Variants in G3BP2 observed in about 807,000 individuals in gnomAD.
G3BP2 encodes G3BP stress granule assembly factor 2, also known as ras GTPase-activating protein-binding protein 2.
A neutral mutation model predicts 56.7 loss-of-function variants in G3BP2; 11 were observed. The ratio of observed to expected loss-of-function variants is 0.19; its 90% CI spans 0.12 to 0.32. G3BP2 has a LOEUF of 0.32. Among genes scored for constraint, G3BP2 ranks in the 10% least tolerant of loss-of-function variants. The pLI, the probability that G3BP2 is intolerant of heterozygous loss-of-function variation, is 1.00. For synonymous variants in G3BP2, 165 were observed against 191.6 expected, an observed-to-expected ratio of 0.86 and a Z score of 1.15; for missense variants, 340 against 610.9, an observed-to-expected ratio of 0.56 and a Z score of 4.67.
At chr4:75,690,471 G>T (rs1333568319) in intron 3 of G3BP2, among the ~76,000 whole-genome samples, 1 of 151,870 alleles carries the variant, frequency 6.6e-6, no homozygotes, top group African/African-American at 2.4e-5. Context: ...CAACATTAGA[G>T]TCCAGAATAG....
intron 5 of G3BP2, 121 bp from the exon 6 acceptor site, chr4:75,655,991 TCC>T: frequency 1.7e-6 from 1 of 597,046 alleles, no homozygotes; most frequent in Non-Finnish European, 3.0e-6. Context: ...CAATTTTCTT[TCC>T]TTTTTTTTTT....
chr4:75,671,233 C>T (rs1316283178), intron 1 of G3BP2, among the ~76,000 whole-genome samples: 1 of 152,116 alleles, frequency 6.6e-6, no homozygotes, highest in Non-Finnish European at 1.5e-5. Context: ...TAGTTTGTGC[C>T]TTTCAAAATC....
Position 75,696,715 on chromosome 4 carries a change from CATT to C in G3BP2, c.-25+24159_-25+24161del, listed in dbSNP as rs148922307. Among the ~76,000 whole-genome samples the C allele has an allele frequency of 8.9e-3, 1,362 of 152,308 alleles. 23 individuals carry two copies. Among genetic ancestry groups the C allele is most frequent in the African/African-American group, 0.032 (1,311 of 41,552 alleles). ...CTTTCTAGCAGTTGTTCCCAATCAT[CATT>C]GTCGTCATGGAAAGAGGACTAAATC... On this transcript the variant is annotated intron_variant, in intron 3 of 3. Transcript: ENST00000499709.
chr4:75,701,845 A>C (rs1218873105), intron 3 of G3BP2, among the ~76,000 whole-genome samples: 1 of 152,218 alleles, frequency 6.6e-6, no homozygotes, highest in Non-Finnish European at 1.5e-5. Flanking sequence ...TCTATAGATG[A>C]GAAAGATAGA....
In G3BP2 at chr4:75,673,374, G is replaced by C. The variant is rs973298947; in HGVS notation, c.-191C>G. On this transcript the variant is annotated 5_prime_UTR_variant, in exon 1 of 12. Coordinates refer to ENST00000359707, the MANE Select transcript of G3BP2 (RefSeq NM_203505.3). The stretch of plus-strand genomic sequence containing the variant: ...CTGCCTCACAACCACCTCTTCCCGG[G>C]CGCCAGGCGCTGCGACGTGCGACAA... 4.5e-5 allele frequency: 55 copies of C among 1,231,086 alleles called. No homozygotes were observed. The highest frequency in any genetic ancestry group is 5.0e-5 in the Non-Finnish European group (49 of 987,938). The allele number at this position is 1,231,086 out of a possible 1,614,324, so 76.3% of individuals were successfully genotyped here. A position where few individuals can be genotyped will look rare whatever the true frequency, so the allele number is the denominator to read the frequency against.
At position 75,656,277 on chromosome 4, in the gene G3BP2, C is replaced by A. The variant is rs577248704; in HGVS notation, c.443-407G>T. On this transcript the variant is annotated intron_variant, in intron 5 of 11. Coordinates refer to ENST00000359707, the MANE Select transcript of G3BP2 (RefSeq NM_203505.3). ...AAAACACTGGGATTCCGGGCATGAG[C>A]CACCGCGCTCGGCTCCAATTTTTTT... is the stretch of plus-strand genomic sequence containing the variant. 2.6e-4 allele frequency among the ~76,000 whole-genome samples: 36 copies of A among 140,300 alleles called. 1 individual carries two copies. In the South Asian group the frequency reaches 5.9e-3, roughly 23 times the overall value. 92.0% of individuals were successfully genotyped at this position (140,300 alleles called of 152,430 possible).
chr4:75,673,605 G>T (rs1355980604), upstream of G3BP2: 9 of 1,231,524 alleles, frequency 7.3e-6, no homozygotes, highest in South Asian at 4.1e-5. Flanking sequence ...CGGGGAACCG[G>T]AACCGGCCTA....
At position 75,657,734 on chromosome 4, in the gene G3BP2, T is replaced by TCCACTAGC; in HGVS notation, c.178-5_178-4insGCTAGTGG. 6.3e-7 allele frequency: 1 copy of TCCACTAGC among 1,592,258 alleles called. No individual in the cohort carries two copies. The highest frequency in any genetic ancestry group is 8.6e-7 in the Non-Finnish European group (1 of 1,162,996). The stretch of plus-strand genomic sequence containing the variant: ...ATAATACTTTGTGGTGTATATCCTT[T>TCCACTAGC]ATTAGGGAGGGAGGGAAAAATATAA... On this transcript the variant is annotated splice_polypyrimidine_tract_variant and splice_region_variant and intron_variant, in intron 3 of 11. Transcript: ENST00000359707.
intron 3 of G3BP2, among the ~76,000 whole-genome samples, chr4:75,696,729 A>G (rs769284727): frequency 4.6e-5 from 7 of 152,202 alleles, no homozygotes; most frequent in Non-Finnish European, 7.3e-5. Flanking sequence ...GTCGTCATGG[A>G]AAGAGGACTA....
At chr4:75,706,463 G>A (rs752150482) in intron 3 of G3BP2, among the ~76,000 whole-genome samples, 5 of 152,038 alleles carry the variant, frequency 3.3e-5, no homozygotes, top group Admixed American at 6.6e-5. Flanking sequence ...GACCTTAGCC[G>A]AATGAGCATA....
intron 3 of G3BP2, among the ~76,000 whole-genome samples, chr4:75,680,466 A>C (rs953262855): frequency 3.3e-5 from 5 of 152,164 alleles, no homozygotes; most frequent in African/African-American, 9.7e-5. Context: ...GATTGTTCTG[A>C]AGATTCTTTA....
intron 3 of G3BP2, among the ~76,000 whole-genome samples, chr4:75,715,427 C>G (rs1456103446): frequency 6.6e-6 from 1 of 152,212 alleles, no homozygotes; most frequent in Non-Finnish European, 1.5e-5. Flanking sequence ...AGAAATCCTT[C>G]TACCCTCTCT....
intron 1 of G3BP2, chr4:75,672,497 G>T (rs774460519): frequency 6.6e-6 from 1 of 152,202 alleles, no homozygotes; most frequent in Non-Finnish European, 1.5e-5. Flanking sequence ...CGAAGAAGGC[G>T]CACGTTACAG....
At chr4:75,703,390 C>A (rs188883298) in intron 3 of G3BP2, among the ~76,000 whole-genome samples, 1 of 152,158 alleles carries the variant, frequency 6.6e-6, no homozygotes, top group Admixed American at 6.5e-5. Flanking sequence ...GTCCCCCAAT[C>A]CACACCACTT....
At chr4:75,661,556 C>G (rs567078462) in intron 2 of G3BP2, 20 of 153,294 alleles carry the variant, frequency 1.3e-4, no homozygotes, top group African/African-American at 4.4e-4. Context: ...GGAATGCAAG[C>G]TGCAAGCTGG....
intron 3 of G3BP2, among the ~76,000 whole-genome samples, chr4:75,701,109 C>T (rs556664614): frequency 2.2e-4 from 33 of 152,140 alleles, no homozygotes; most frequent in Non-Finnish European, 4.0e-4. Flanking sequence ...TCCCAAAGTG[C>T]TGGGATTACA....
chr4:75,683,669 T>C (rs918479326), intron 3 of G3BP2, among the ~76,000 whole-genome samples: 23 of 152,214 alleles, frequency 1.5e-4, no homozygotes, highest in African/African-American at 5.3e-4. Flanking sequence ...CTCTGACCTA[T>C]ATGCCTCTGT....
intron 11 of G3BP2, among the ~76,000 whole-genome samples, 154 bp downstream of exon 11, chr4:75,646,184 G>A (rs1445852167): frequency 1.3e-5 from 2 of 152,042 alleles, no homozygotes; most frequent in Admixed American, 6.5e-5. Flanking sequence ...AAAATGATCT[G>A]CAAACTAACA....
chr4:75,668,550 T>C (rs1358663638), intron 1 of G3BP2, among the ~76,000 whole-genome samples: 1 of 152,036 alleles, frequency 6.6e-6, no homozygotes, highest in African/African-American at 2.4e-5. Context: ...CAAATAGAGC[T>C]ACTTAACAAG....
Sources: allele counts gnomAD v4.1 joint callset (sites outside exome capture counted in the v4.1 genomes callset), GRCh38; gene constraint gnomAD v4.1.1; transcripts MANE v1.5; gene names NCBI Gene and HGNC (gene_info 2026-07-23, HGNC 2026-07-21).